The following FLG variants were observed in gnomAD, a reference collection of about 807,000 sequenced individuals.
FLG encodes the protein filaggrin.
In FLG, 6 loss-of-function variants were observed where a neutral mutation model predicts 3.8. That is an observed-to-expected ratio of 1.60 (90% CI 0.87 to 3.15). The LOEUF is 3.15. Ranked by LOEUF, FLG falls within the 30% of genes most tolerant of loss-of-function variation. The pLI, the probability that FLG is intolerant of heterozygous loss-of-function variation, is 0.00. For synonymous variants in FLG, 2,551 were observed against 1,931.6 expected (o/e 1.32, Z -8.41); for missense variants, 7,595 against 5,050.9 (o/e 1.50, Z -15.27).
Position 152,303,012 on chromosome 1 carries a change from A to G in FLG, c.11874T>C (p.Tyr3958=). 3.1e-6 allele frequency: 5 copies of G among 1,614,188 alleles called. No individual in the cohort carries two copies. The highest frequency in any genetic ancestry group is 4.2e-6 in the Non-Finnish European group (5 of 1,180,032). The change falls in exon 3 of 3, where the codon TAT becomes TAC. Residue 3958 remains tyrosine (Y), a synonymous_variant. Coordinates refer to ENST00000368799, the MANE Select transcript of FLG (RefSeq NM_002016.2). ...TTTGCCTTTCAGTGCCCTCAGATTG[A>G]TAATGATAAGAACTAGAACTGTGAG... ...GSPHSSSSYH[Y]QSEGTERQKG...
rs752409794 is a variant in FLG at position 152,308,172 on chromosome 1, G to T, written c.6714C>A (p.Pro2238=). The T allele has an allele frequency of 6.2e-7, 1 of 1,613,974 alleles. No homozygotes were observed. ...TGTCCTGGCTAACACTGGATCCCCG[G>T]GGCCTGCTTGTCCTGGGCCCTGATG... ...GQSSGPRTSR[P]RGSSVSQDSD... Residue 2238 remains proline (P), a synonymous_variant, in exon 3 of 3, where the codon CCC becomes CCA. Transcript: ENST00000368799.
chr1:152,306,622 G>A lies in FLG; in HGVS notation c.8264C>T (p.Thr2755Met), dbSNP rs138538637. ...TTGTCTTCCTCTAGTGCTGGGCCCC[G>A]TCCATCCATGGGAGGACTCAGACTG... is the stretch of plus-strand genomic sequence containing the variant. ...HEQSESSHGWTGPSTRGRQGS... is the reference protein window; with the variant it reads ...HEQSESSHGWMGPSTRGRQGS... Residue 2755 changes from threonine to methionine, a missense_variant, in exon 3 of 3, where the codon ACG becomes ATG. Physicochemically the swap from Thr to Met is moderately conservative, Grantham distance 81. Coordinates refer to ENST00000368799, the MANE Select transcript of FLG (RefSeq NM_002016.2). The A allele has an allele frequency of 4.3e-4, 696 of 1,606,060 alleles. 23 individuals are homozygous for A. The African/African-American group carries it at 8.3e-3, about 19-fold the overall frequency.
Position 152,308,100 on chromosome 1 carries a change from A to C in FLG, c.6786T>G (p.Ser2262=), listed in dbSNP as rs781210845. 34 of 1,613,248 alleles carry C rather than the reference A, an allele frequency of 2.1e-5. No individual in the cohort carries two copies. The South Asian group carries it at 3.3e-4, about 16-fold the overall frequency. ...HSEDSERRSG[S]ASRNHHGSAQ... is the part of the protein sequence containing the mutation. The stretch of plus-strand genomic sequence containing the variant: ...CAGATCCATGATGGTTTCTGGACGC[A>C]GACCCAGACCGCCTCTCAGAATCTT... The change falls in exon 3 of 3, where the codon TCT becomes TCG. Residue 2262 remains serine, a synonymous_variant. Coordinates refer to ENST00000368799, the MANE Select transcript of FLG (RefSeq NM_002016.2).
chr1:152,310,930 T>G lies in FLG; in HGVS notation c.3956A>C (p.His1319Pro), dbSNP rs1191555113. The G allele has an allele frequency of 2.5e-6, 4 of 1,614,080 alleles. No homozygotes were observed. In the Admixed American group the frequency reaches 6.7e-5, roughly 27 times the overall value. ...PGFHQEDRAS[H>P]GHSADSSRQS... ...TCTGGAGCTGTCTGCAGAGTGCCCG[T>G]GACTGGCTCTGTCTTCTTGATGGAA... Residue 1319 changes from histidine to proline, a missense_variant, in exon 3 of 3, where the codon CAC becomes CCC. Transcript: ENST00000368799.
intron 1 of FLG, among the ~76,000 whole-genome samples, chr1:152,322,832 C>T (rs140277107): frequency 1.3e-4 from 19 of 151,232 alleles, no homozygotes; most frequent in Non-Finnish European, 2.8e-4. Flanking sequence ...AATGAAATCC[C>T]ATTCTGAATA....
Position 152,310,805 on chromosome 1 carries a change from G to A in FLG, c.4081C>T (p.His1361Tyr). 2 of 1,611,968 alleles carry A rather than the reference G, an allele frequency of 1.2e-6. No individual in the cohort carries two copies. The highest frequency in any genetic ancestry group is 1.7e-6 in the Non-Finnish European group (2 of 1,179,148). Residue 1361 changes from histidine (H) to tyrosine (Y), a missense_variant, in exon 3 of 3, where the codon CAC becomes TAC. By Grantham distance (83) the His-to-Tyr change is moderately conservative. Coordinates refer to ENST00000368799, the MANE Select transcript of FLG (RefSeq NM_002016.2). ...SSPGERHGSR[H>Y]QQSADSSRHS... ...CTGGAGCTGTCTGCTGACTGCTGGT[G>A]GCGGGATCCATGTCTTTCTCCTGGA...
In FLG at chr1:152,304,437, T is replaced by C. The variant is rs763378811; in HGVS notation, c.10449A>G (p.Arg3483=). Residue 3483 remains arginine (R), a synonymous_variant, in exon 3 of 3, where the codon AGA becomes AGG. Transcript: ENST00000368799. ...CATTACGAGTTTGTCTGCTGGCACT[T>C]CTGGATCCTGACTGCCCACGGGAGG... ...SDASRGQSGS[R]SASRQTRNDE... is the part of the protein sequence containing the mutation. The C allele has an allele frequency of 6.2e-7, 1 of 1,611,968 alleles. No homozygotes were observed. Among genetic ancestry groups the C allele is most frequent in the Non-Finnish European group, 8.5e-7 (1 of 1,179,192 alleles).
At position 152,303,331 on chromosome 1, in the gene FLG, C is replaced by T. The variant is rs866267917; in HGVS notation, c.11555G>A (p.Gly3852Glu). The change falls in exon 3 of 3, where the codon GGG (glycine) becomes GAG (glutamate). Residue 3852 changes from glycine (G) to glutamate (E), a missense_variant. By Grantham distance (98) the Gly-to-Glu change is moderately conservative (BLOSUM62 -2). Coordinates refer to ENST00000368799, the MANE Select transcript of FLG (RefSeq NM_002016.2). ...HSQSGQGESAGSRRSRRQGSS... is the reference protein window; with the variant it reads ...HSQSGQGESAESRRSRRQGSS... ...TCCCTGGCGCCTGCTTCTCCTGGAC[C>T]CCGCTGATTCACCCTGGCCGGACTG... 8.1e-6 allele frequency: 13 copies of T among 1,613,954 alleles called. No individual in the cohort carries two copies. The highest frequency in any genetic ancestry group is 5.0e-5 in the Admixed American group (3 of 59,994).
rs775390438 is a variant in FLG at position 152,309,970 on chromosome 1, T to A, written c.4916A>T (p.Asp1639Val). 10 of 1,613,916 alleles carry A rather than the reference T, an allele frequency of 6.2e-6. No homozygotes were observed. The highest frequency in any genetic ancestry group is 8.5e-6 in the Non-Finnish European group (10 of 1,180,010). Residue 1639 changes from aspartate (D) to valine (V), a missense_variant, in exon 3 of 3, where the codon GAT becomes GTT. Coordinates refer to ENST00000368799, the MANE Select transcript of FLG (RefSeq NM_002016.2). ...TGCAGAGTGCCCATGACTGGCTCTA[T>A]CTTCTTGATGGGACCTGGGGTTCCT... ...GSRNPRSHQE[D>V]RASHGHSAES...
At position 152,310,138 on chromosome 1, in the gene FLG, C is replaced by A. The variant is rs762247040; in HGVS notation, c.4748G>T (p.Gly1583Val). 1 of 1,613,908 alleles carries A rather than the reference C, an allele frequency of 6.2e-7. No homozygotes were observed. The highest frequency in any genetic ancestry group is 8.5e-7 in the Non-Finnish European group (1 of 1,179,986). ...HSQVGQGESA[G>V]SKTSRRQGSS... is the part of the protein sequence containing the mutation. ...TCCCTGGCGCCTGCTTGTCTTGGAC[C>A]CCGCTGATTCTCCCTGGCCCACCTG... The change falls in exon 3 of 3, where the codon GGG (glycine) becomes GTG (valine). Residue 1583 changes from glycine (G) to valine (V), a missense_variant. Physicochemically the swap from Gly to Val is moderately radical, Grantham distance 109. Transcript: ENST00000368799.
At position 152,308,363 on chromosome 1, in the gene FLG, C is replaced by T. The variant is rs1240217339; in HGVS notation, c.6523G>A (p.Gly2175Arg). The T allele has an allele frequency of 9.9e-6, 16 of 1,613,560 alleles. No individual in the cohort carries two copies. In the East Asian group the frequency reaches 1.3e-4, roughly 13 times the overall value. Reference protein sequence around the residue: ...GSHHSHTTSQGRSDASRGQSG... With the variant: ...GSHHSHTTSQRRSDASRGQSG... ...TGCCCACGGGAGGCATCAGACCTTCCCTGGGATGTGGTGTGGCTGTGATGA... is the reference window on the plus strand; with the variant it reads ...TGCCCACGGGAGGCATCAGACCTTCTCTGGGATGTGGTGTGGCTGTGATGA... Residue 2175 changes from glycine to arginine, a missense_variant, in exon 3 of 3, where the codon GGA becomes AGA. Coordinates refer to ENST00000368799, the MANE Select transcript of FLG (RefSeq NM_002016.2).
rs766626335 is a variant in FLG at position 152,310,419 on chromosome 1, A to G, written c.4467T>C (p.Ile1489=). Residue 1489 remains isoleucine (I), a synonymous_variant, in exon 3 of 3, where the codon ATT becomes ATC. Transcript: ENST00000368799. ...CTCTGCTTGACCCCGGGTGTCCACGAATGGTGTCCTGACCGTCTTGGGATG... is the reference window on the plus strand; with the variant it reads ...CTCTGCTTGACCCCGGGTGTCCACGGATGGTGTCCTGACCGTCTTGGGATG... ...HSASQDGQDT[I]RGHPGSSRGG... is the part of the protein sequence containing the mutation. The G allele has an allele frequency of 1.7e-5, 27 of 1,613,092 alleles. No individual in the cohort carries two copies. The highest frequency in any genetic ancestry group is 2.3e-5 in the Non-Finnish European group (27 of 1,179,782).
At position 152,310,508 on chromosome 1, in the gene FLG, G is replaced by A. The variant is rs1208691125; in HGVS notation, c.4378C>T (p.Pro1460Ser). The change falls in exon 3 of 3, where the codon CCC becomes TCC. Residue 1460 changes from proline to serine, a missense_variant. Transcript: ENST00000368799. ...QSESTHGQTAPSTGGRQGSRH... is the reference protein window; with the variant it reads ...QSESTHGQTASSTGGRQGSRH... ...GATCCTTGTCTTCCTCCAGTGCTGG[G>A]TGCAGTCTGTCCGTGTGTGGACTCA... 1 of 1,613,714 alleles carries A rather than the reference G, an allele frequency of 6.2e-7. No homozygotes were observed. The highest frequency in any genetic ancestry group is 1.1e-5 in the South Asian group (1 of 91,056).
In FLG at chr1:152,314,575, T is replaced by C; in HGVS notation, c.311A>G (p.His104Arg). The stretch of plus-strand genomic sequence containing the variant: ...ATCTTCATGTTTATCATGATGACTG[T>C]GCTTTCTGTGCTTGTGTCCTGATAT... Reference protein sequence around the residue: ...LPISGHKHRKHSHHDKHEDNK... With the variant: ...LPISGHKHRKRSHHDKHEDNK... The change falls in exon 3 of 3, where the codon CAC becomes CGC. Residue 104 changes from histidine to arginine, a missense_variant. Physicochemically the swap from His to Arg is conservative, Grantham distance 29 (BLOSUM62 0). Coordinates refer to ENST00000368799, the MANE Select transcript of FLG (RefSeq NM_002016.2). 6.2e-7 allele frequency: 1 copy of C among 1,613,914 alleles called. No homozygotes were observed. Among genetic ancestry groups the C allele is most frequent in the South Asian group, 1.1e-5 (1 of 91,080 alleles).
Position 152,314,036 on chromosome 1 carries a change from A to G in FLG, c.850T>C (p.Leu284=), listed in dbSNP as rs558180193. The change falls in exon 3 of 3, where the codon TTG becomes CTG. Residue 284 remains leucine, a synonymous_variant. Transcript: ENST00000368799. The part of the protein sequence containing the change: ...SRHENTSQVP[L]QESRTRKRRG... ...CGCTTTCTTGTCCTGGACTCCTGCA[A>G]TGGTACCTGGCTTGTATTTTCATGT... is the stretch of plus-strand genomic sequence containing the variant. The G allele has an allele frequency of 1.4e-5, 22 of 1,614,128 alleles. No individual in the cohort carries two copies. The South Asian group carries it at 1.6e-4, about 12-fold the overall frequency.
In FLG at chr1:152,312,504, G is replaced by C. The variant is rs1479365742; in HGVS notation, c.2382C>G (p.Leu794=). The part of the protein sequence containing the change: ...GERSRRSGSF[L]YQVSTHKQSE... ...ACTGTTTATGAGTGCTCACCTGGTA[G>C]AGGAAAGACCCTGAACGTCGAGACC... The change falls in exon 3 of 3, where the codon CTC becomes CTG. Residue 794 remains leucine (L), a synonymous_variant. Coordinates refer to ENST00000368799, the MANE Select transcript of FLG (RefSeq NM_002016.2). 13 of 1,613,638 alleles carry C rather than the reference G, an allele frequency of 8.1e-6. No homozygotes were observed. Among genetic ancestry groups the C allele is most frequent in the Non-Finnish European group, 1.1e-5 (13 of 1,179,862 alleles).
rs1490617610 is a variant in FLG at position 152,306,335 on chromosome 1, A to T, written c.8551T>A (p.Ser2851Thr). The T allele has an allele frequency of 6.2e-7, 1 of 1,602,022 alleles. No individual in the cohort carries two copies. Among genetic ancestry groups the T allele is most frequent in the African/African-American group, 1.6e-5 (1 of 63,450 alleles). ...TGGTGACGCGACCCTGAGTGCCTGG[A>T]GCCGTCTCCTGATTGTTCCTCATTA... The part of the protein sequence containing the change: ...TRNEEQSGDG[S>T]RHSGSRHHEA... Residue 2851 changes from serine (S) to threonine (T), a missense_variant, in exon 3 of 3, where the codon TCC (serine) becomes ACC (threonine). Coordinates refer to ENST00000368799, the MANE Select transcript of FLG (RefSeq NM_002016.2).
Position 152,311,584 on chromosome 1 carries a change from T to C in FLG, c.3302A>G (p.Glu1101Gly). ...QDGPHQQSHQ[E>G]SARDWSGGRS... ...TCCCCCTGACCAGTCACGTGCGGACTCTTGGTGGCTCTGCTGATGGGGCCC... is the reference window on the plus strand; with the variant it reads ...TCCCCCTGACCAGTCACGTGCGGACCCTTGGTGGCTCTGCTGATGGGGCCC... Residue 1101 changes from glutamate to glycine, a missense_variant, in exon 3 of 3, where the codon GAG becomes GGG. Transcript: ENST00000368799. 1 of 1,614,070 alleles carries C rather than the reference T, an allele frequency of 6.2e-7. No homozygotes were observed. The highest frequency in any genetic ancestry group is 8.5e-7 in the Non-Finnish European group (1 of 1,180,018).
rs1416561935 is a variant in FLG, at chr1:152,304,258, C to G, written c.10628G>C (p.Ser3543Thr). ...GTCTTCTGAGTGTCCCTGACTGTCACTGTCCTGGCTAACACTGGATCCCTG... is the reference window on the plus strand; with the variant it reads ...GTCTTCTGAGTGTCCCTGACTGTCAGTGTCCTGGCTAACACTGGATCCCTG... The part of the protein sequence containing the change: ...RNQGSSVSQD[S>T]DSQGHSEDSE... Residue 3543 changes from serine to threonine, a missense_variant, in exon 3 of 3, where the codon AGT becomes ACT. Physicochemically the swap from Ser to Thr is moderately conservative, Grantham distance 58 (BLOSUM62 1). Coordinates refer to ENST00000368799, the MANE Select transcript of FLG (RefSeq NM_002016.2). 6 of 1,613,232 alleles carry G rather than the reference C, an allele frequency of 3.7e-6. No homozygotes were observed. Among genetic ancestry groups the G allele is most frequent in the Admixed American group, 1.7e-5 (1 of 59,890 alleles).
Sources: allele counts gnomAD v4.1 joint callset (sites outside exome capture counted in the v4.1 genomes callset), GRCh38; gene constraint gnomAD v4.1.1; transcripts MANE v1.5; gene names NCBI Gene and HGNC (gene_info 2026-07-23, HGNC 2026-07-21).